Variants in SMAD6 observed in about 807,000 individuals in gnomAD.
SMAD6 encodes the protein SMAD family member 6, also known as MAD homolog 6.
A neutral mutation model predicts 39.4 loss-of-function variants in SMAD6; 103 were observed. The observed-to-expected ratio is 2.62, with a 90% CI of 2.23 to 3.08. The LOEUF is 3.08. SMAD6 is among the 30% of genes most tolerant of loss of function. SMAD6 has a pLI of 0.00. For synonymous variants in SMAD6, 445 were observed against 353.3 expected (o/e 1.26, Z -2.91); for missense variants, 1,104 against 742.9 (o/e 1.49, Z -5.65).
At chr15:66,715,472 T>A (rs960467490) in intron 2 of SMAD6, among the ~76,000 whole-genome samples, 1 of 152,124 alleles carries the variant, frequency 6.6e-6, no homozygotes, top group Admixed American at 6.5e-5. Flanking sequence ...TGGGGCCAGG[T>A]GGAGCCACCC....
intron 3 of SMAD6, among the ~76,000 whole-genome samples, chr15:66,720,459 G>A (rs760120052): frequency 9.9e-4 from 150 of 152,222 alleles, no homozygotes; most frequent in Non-Finnish European, 1.0e-3. Flanking sequence ...GAGTCACTTA[G>A]CGGGAGCCTG....
chr15:66,744,928 G>T (rs1244809666), intron 3 of SMAD6, among the ~76,000 whole-genome samples: 1 of 152,164 alleles, frequency 6.6e-6, no homozygotes, highest in African/African-American at 2.4e-5. Context: ...GTTCTTGGGG[G>T]CTCCTTTCTG....
chr15:66,771,858 G>A (rs60704975), intron 3 of SMAD6, among the ~76,000 whole-genome samples: 2,435 of 152,238 alleles, frequency 0.016, 71 homozygotes, highest in African/African-American at 0.056. Flanking sequence ...ACTCATTTTT[G>A]TATTTTAGAA....
In SMAD6 at chr15:66,781,520, C is replaced by T. The variant is rs1229970761; in HGVS notation, c.1476C>T (p.Leu492=). ...TSCPCWLEIL[L]NNPR The stretch of plus-strand genomic sequence containing the variant: ...GCCCCTGCTGGCTGGAGATCCTCCT[C>T]AACAACCCCAGATAGTGGCGGCCCC... The change falls in exon 4 of 4, where the codon CTC becomes CTT. Residue 492 remains leucine (L), a synonymous_variant. Coordinates refer to ENST00000288840, the MANE Select transcript of SMAD6 (RefSeq NM_005585.5). The T allele has an allele frequency of 6.5e-7, 1 of 1,545,268 alleles. No homozygotes were observed. Among genetic ancestry groups the T allele is most frequent in the Admixed American group, 2.0e-5 (1 of 50,716 alleles).
Position 66,704,045 on chromosome 15 carries a change from C to A in SMAD6, c.787C>A (p.Pro263Thr). 1 of 1,510,580 alleles carries A rather than the reference C, an allele frequency of 6.6e-7. No homozygotes were observed. The highest frequency in any genetic ancestry group is 8.8e-7 in the Non-Finnish European group (1 of 1,138,630). The allele number at this position is 1,510,580 out of a possible 1,614,324, so 93.6% of individuals were successfully genotyped here. A position where few individuals can be genotyped will look rare whatever the true frequency, so the allele number is the denominator to read the frequency against. Reference sequence around the variant, plus strand: ...CGACGGCCCTACCGTGTGCTGCAACCCCTACCACTTCAGCCGGCTCTGCGG... The same window carrying A: ...CGACGGCCCTACCGTGTGCTGCAACACCTACCACTTCAGCCGGCTCTGCGG... The part of the protein sequence containing the change: ...AADGPTVCCN[P>T]YHFSRLCGPE... The change falls in exon 1 of 4, where the codon CCC becomes ACC. Residue 263 changes from proline to threonine, a missense_variant. By Grantham distance (38) the Pro-to-Thr change is conservative. Coordinates refer to ENST00000288840, the MANE Select transcript of SMAD6 (RefSeq NM_005585.5).
chr15:66,754,032 C>A (rs1047861560), intron 3 of SMAD6, among the ~76,000 whole-genome samples: 14 of 152,214 alleles, frequency 9.2e-5, no homozygotes, highest in Admixed American at 6.5e-4. Flanking sequence ...AAGTAAAAAT[C>A]CCATCTCAGG....
rs79335187 is a variant in SMAD6, at chr15:66,759,627, C to T, written c.953-21370C>T. Reference sequence around the variant, plus strand: ...ATCCCACCGTGCTTTGTTGGATCTTCGTTTACTCCTTTTATTTTTTAAACT... The same window carrying T: ...ATCCCACCGTGCTTTGTTGGATCTTTGTTTACTCCTTTTATTTTTTAAACT... On this transcript the variant is annotated intron_variant, in intron 3 of 3. Coordinates refer to ENST00000288840, the MANE Select transcript of SMAD6 (RefSeq NM_005585.5). Among the ~76,000 whole-genome samples the T allele has an allele frequency of 5.1e-4, 77 of 152,258 alleles. No homozygotes were observed. The Middle Eastern group carries it at 0.01, about 20-fold the overall frequency.
At chr15:66,717,080 G>C (rs1356840558) in intron 3 of SMAD6, 1 of 1,289,136 alleles carries the variant, frequency 7.8e-7, no homozygotes. Flanking sequence ...TTAGAAGCTG[G>C]TCATAGGGAC....
At chr15:66,714,967 A>C (rs1448339755) in intron 2 of SMAD6, among the ~76,000 whole-genome samples, 1 of 151,390 alleles carries the variant, frequency 6.6e-6, no homozygotes, top group Non-Finnish European at 1.5e-5. Flanking sequence ...GGCACTGAGC[A>C]CTTTGGGAAC....
intron 3 of SMAD6, chr15:66,740,966 G>A (rs1186176669): frequency 6.6e-6 from 1 of 152,210 alleles, no homozygotes; most frequent in East Asian, 1.9e-4. Flanking sequence ...GGTGAGCCAG[G>A]GAAATTAGCA....
chr15:66,722,170 G>C (rs1456881761), intron 3 of SMAD6, among the ~76,000 whole-genome samples: 1 of 152,170 alleles, frequency 6.6e-6, no homozygotes, highest in Non-Finnish European at 1.5e-5. Flanking sequence ...CCAGCTCCGT[G>C]AATTTTCACA....
chr15:66,717,126 C>T (rs142048788), intron 3 of SMAD6: 13 of 1,288,190 alleles, frequency 1.0e-5, no homozygotes, highest in Non-Finnish European at 1.2e-5. Flanking sequence ...TCAAACTTTC[C>T]TTGAGAAATG....
chr15:66,703,269 C>CGTTT lies in SMAD6; in HGVS notation c.11_12insGTTT (p.Lys5PhefsTer41). Reference sequence around the variant, plus strand: ...GCCAAAGGATATCGTATGTTCAGGTCCAAACGCTCGGGGCTGGTGCGGCGA... The same window carrying CGTTT: ...GCCAAAGGATATCGTATGTTCAGGTCGTTTCAAACGCTCGGGGCTGGTGCGGCGA... On this transcript the variant is annotated frameshift_variant, in exon 1 of 4. Coordinates refer to ENST00000288840, the MANE Select transcript of SMAD6 (RefSeq NM_005585.5). LOFTEE classifies it high-confidence loss of function. 1 of 1,479,084 alleles carries CGTTT rather than the reference C, an allele frequency of 6.8e-7. No homozygotes were observed. Among genetic ancestry groups the CGTTT allele is most frequent in the Non-Finnish European group, 9.0e-7 (1 of 1,113,854 alleles). 91.6% of individuals were successfully genotyped at this position (1,479,084 alleles called of 1,614,324 possible).
Position 66,703,771 on chromosome 15 carries a change from A to T in SMAD6, c.513A>T (p.Glu171Asp). Residue 171 changes from glutamate (E) to aspartate (D), a missense_variant, in exon 1 of 4, where the codon GAA (glutamate) becomes GAT (aspartate). By Grantham distance (45) the Glu-to-Asp change is conservative (BLOSUM62 2). Coordinates refer to ENST00000288840, the MANE Select transcript of SMAD6 (RefSeq NM_005585.5). ...ARSRLLLLEQ[E>D]LKTVTYSLLK... ...CGCGGCTGCTGCTGCTGGAGCAGGAACTCAAAACCGTCACGTACTCGCTGC... is the reference window on the plus strand; with the variant it reads ...CGCGGCTGCTGCTGCTGGAGCAGGATCTCAAAACCGTCACGTACTCGCTGC... The T allele has an allele frequency of 7.0e-7, 1 of 1,428,796 alleles. No homozygotes were observed. The highest frequency in any genetic ancestry group is 9.3e-7 in the Non-Finnish European group (1 of 1,079,958). 88.5% of individuals were successfully genotyped at this position (1,428,796 alleles called of 1,614,324 possible). A position where few individuals can be genotyped will look rare whatever the true frequency, so the allele number is the denominator to read the frequency against.
intron 3 of SMAD6, among the ~76,000 whole-genome samples, chr15:66,746,899 A>G (rs755388413): frequency 6.6e-6 from 1 of 152,196 alleles, no homozygotes; most frequent in Non-Finnish European, 1.5e-5. Context: ...AGAGTTGACC[A>G]TGGGGGAATA....
chr15:66,729,449 G>A (rs533900454), intron 3 of SMAD6, among the ~76,000 whole-genome samples: 1 of 152,286 alleles, frequency 6.6e-6, no homozygotes, highest in Admixed American at 6.5e-5. Flanking sequence ...CAGCCGGCCG[G>A]GTCTGCCTCT....
chr15:66,780,951 C>T (rs1454168451), intron 3 of SMAD6, 46 bp from the exon 4 acceptor site: 6 of 1,499,356 alleles, frequency 4.0e-6, no homozygotes, highest in Admixed American at 4.0e-5. Flanking sequence ...GTGCCTCCCA[C>T]CTCCCCACCC....
At chr15:66,758,978 A>G (rs1894150830) in intron 3 of SMAD6, among the ~76,000 whole-genome samples, 1 of 152,230 alleles carries the variant, frequency 6.6e-6, no homozygotes, top group African/African-American at 2.4e-5. Flanking sequence ...TGTAAAATGG[A>G]TAGTAAACAC....
chr15:66,781,966 G>C lies in SMAD6; in HGVS notation c.*431G>C. ...GACAAAAAGCTAATACCAGTCACTCGATAATAAAGTATTCGCATTATAGTT... is the reference window on the plus strand; with the variant it reads ...GACAAAAAGCTAATACCAGTCACTCCATAATAAAGTATTCGCATTATAGTT... On this transcript the variant is annotated 3_prime_UTR_variant, in exon 4 of 4. Transcript: ENST00000288840. 1 of 398,848 alleles carries C rather than the reference G, an allele frequency of 2.5e-6. No homozygotes were observed. The highest frequency in any genetic ancestry group is 4.4e-6 in the Non-Finnish European group (1 of 226,052). 24.7% of individuals were successfully genotyped at this position (398,848 alleles called of 1,614,324 possible).
Sources: allele counts gnomAD v4.1 joint callset (sites outside exome capture counted in the v4.1 genomes callset), GRCh38; gene constraint gnomAD v4.1.1; transcripts MANE v1.5; gene names NCBI Gene and HGNC (gene_info 2026-07-23, HGNC 2026-07-21).